The following SRP19 variants were observed in gnomAD, a reference collection of about 807,000 sequenced individuals.
SRP19 encodes the protein signal recognition particle 19 kDa protein.
A neutral mutation model predicts 22.4 loss-of-function variants in SRP19; 11 were observed. The ratio of observed to expected loss-of-function variants is 0.49; its 90% confidence interval spans 0.31 to 0.81. The LOEUF (loss-of-function observed/expected upper bound fraction) is 0.81, where lower values mean the gene tolerates loss of function less well. SRP19 is among the 40% of genes least tolerant of loss of function. SRP19 has a pLI of 0.05. For synonymous variants in SRP19, 61 were observed against 57.6 expected (o/e 1.06, Z -0.27); for missense variants, 168 against 175.9 (o/e 0.96, Z 0.25).
rs1170782957 is a variant in SRP19, at chr5:112,869,695, C to T, written c.*2158C>T. ...AATTGGATCATGGGGGCAATTTCCC[C>T]TGTGCTGTTCTTGAGATAATGAGTG... is the stretch of plus-strand genomic sequence containing the variant. On this transcript the variant is annotated 3_prime_UTR_variant, in exon 5 of 5. Coordinates refer to ENST00000505459, the MANE Select transcript of SRP19 (RefSeq NM_003135.3). 1 of 152,290 alleles carries T rather than the reference C, an allele frequency of 6.6e-6. No homozygotes were observed. The highest frequency in any genetic ancestry group is 2.4e-5 in the African/African-American group (1 of 41,568). 9.4% of individuals were successfully genotyped at this position (152,290 alleles called of 1,614,324 possible). A position where few individuals can be genotyped will look rare whatever the true frequency, so the allele number is the denominator to read the frequency against.
intron 4 of SRP19, among the ~76,000 whole-genome samples, chr5:112,880,804 A>G (rs888688691): frequency 6.6e-6 from 1 of 152,208 alleles, no homozygotes; most frequent in African/African-American, 2.4e-5. Context: ...GGCTAAGGGA[A>G]GGGAGAAGAA....
chr5:112,872,913 G>A (rs189465902), downstream of SRP19, among the ~76,000 whole-genome samples: 27 of 149,424 alleles, frequency 1.8e-4, no homozygotes, highest in Admixed American at 1.6e-3. Flanking sequence ...CCCTTACATT[G>A]TTTGGCTGGA....
At chr5:112,863,197 A>G (rs1164840818) in intron 2 of SRP19, among the ~76,000 whole-genome samples, 2 of 152,184 alleles carry the variant, frequency 1.3e-5, no homozygotes, top group African/African-American at 2.4e-5. Flanking sequence ...CAGGATGACC[A>G]CCGTTATGAC....
At chr5:112,877,941 T>TATTA (rs1767946711) in intron 4 of SRP19, 1 of 151,930 alleles carries the variant, frequency 6.6e-6, no homozygotes, top group African/African-American at 2.4e-5. Flanking sequence ...GATAAGACAG[T>TATTA]ATTACTAGTT....
chr5:112,871,530 GC>G (rs947100737), downstream of SRP19, among the ~76,000 whole-genome samples: 13 of 152,034 alleles, frequency 8.6e-5, no homozygotes, highest in African/African-American at 3.1e-4. Flanking sequence ...GCTGAGGCGG[GC>G]AGATGACTTG....
rs745950980 is a variant in SRP19, at chr5:112,878,739, C to G, written c.302-12864C>G. 5 of 1,610,028 alleles carry G rather than the reference C, an allele frequency of 3.1e-6. No homozygotes were observed. In the South Asian group the frequency reaches 4.4e-5, roughly 14 times the overall value. On this transcript the variant is annotated intron_variant, in intron 4 of 4. Coordinates refer to the SRP19 transcript ENST00000391338. Reference sequence around the variant, plus strand: ...ACAGTCCCTAATATAACATCAAGCTCCAGTAGGAAGGTACAGAGAGGGCAG... The same window carrying G: ...ACAGTCCCTAATATAACATCAAGCTGCAGTAGGAAGGTACAGAGAGGGCAG...
chr5:112,892,667 A>G (rs1768517670), exon 5 of SRP19: 1 of 1,613,972 alleles, frequency 6.2e-7, no homozygotes, highest in Non-Finnish European at 8.5e-7. Flanking sequence ...CCCAACAATG[A>G]ATTCTGGGAA....
chr5:112,877,971 AC>A (rs1277408567), intron 4 of SRP19: 1 of 146,374 alleles, frequency 6.8e-6, no homozygotes, highest in Non-Finnish European at 1.5e-5. Context: ...ATTGAGAGTT[AC>A]AGGTTACTCT....
chr5:112,873,088 CTT>C (rs34944142), downstream of SRP19, among the ~76,000 whole-genome samples: 160 of 116,638 alleles, frequency 1.4e-3, 2 homozygotes, highest in South Asian at 7.0e-3. Flanking sequence ...TTGTGTGGGT[CTT>C]TTTTTTTTTT....
Position 112,880,349 on chromosome 5 carries a change from A to G in SRP19, c.302-11254A>G, listed in dbSNP as rs10515448. Among the ~76,000 whole-genome samples the G allele has an allele frequency of 9.2e-3, 1,398 of 152,312 alleles. 24 individuals carry two copies. Among genetic ancestry groups the G allele is most frequent in the African/African-American group, 0.032 (1,344 of 41,558 alleles). ...GGGAATGTGCTATGAGAACCAGTACAGTGTGTAAGATGGAGGGGAAAGGGG... is the reference window on the plus strand; with the variant it reads ...GGGAATGTGCTATGAGAACCAGTACGGTGTGTAAGATGGAGGGGAAAGGGG... On this transcript the variant is annotated intron_variant, in intron 4 of 4. Transcript: ENST00000391338.
chr5:112,892,025 A>G, exon 5 of SRP19: 1 of 1,370,234 alleles, frequency 7.3e-7, no homozygotes, highest in South Asian at 1.2e-5. Context: ...GAGGAGGAGC[A>G]GAAACAACAG....
chr5:112,873,845 T>C (rs903371764), downstream of SRP19, among the ~76,000 whole-genome samples: 5 of 152,176 alleles, frequency 3.3e-5, no homozygotes, highest in African/African-American at 1.2e-4. Context: ...GTTTTTAAGA[T>C]AGAAGGACCA....
chr5:112,891,633 T>A, exon 5 of SRP19: 1 of 1,598,064 alleles, frequency 6.3e-7, no homozygotes, highest in Non-Finnish European at 8.5e-7. Flanking sequence ...CAGGCGGTGC[T>A]GGCAAGATGG....
At chr5:112,864,245 G>A (rs962393779) in intron 2 of SRP19, among the ~76,000 whole-genome samples, 1 of 152,174 alleles carries the variant, frequency 6.6e-6, no homozygotes, top group East Asian at 1.9e-4. Context: ...AGAAGTTTAT[G>A]TTCTGTTGGA....
chr5:112,890,079 G>A lies in SRP19; in HGVS notation c.302-1524G>A, dbSNP rs1768387689. On this transcript the variant is annotated intron_variant, in intron 4 of 4. Transcript: ENST00000391338. ...TGACCTCAAATGATCCACCCCCATC[G>A]GCCTCCCAAAGTGCTGGGATTACAG... 2.0e-5 allele frequency among the ~76,000 whole-genome samples: 3 copies of A among 150,060 alleles called. 1 individual carries two copies. Among genetic ancestry groups the A allele is most frequent in the African/African-American group, 5.0e-5 (2 of 40,238 alleles).
At chr5:112,861,452 G>A (rs750643131) in intron 1 of SRP19, 35 bp downstream of exon 1, 3 of 1,607,318 alleles carry the variant, frequency 1.9e-6, no homozygotes, top group Admixed American at 1.7e-5. Flanking sequence ...CCGAAAGGAA[G>A]GGGCTTGCTG....
chr5:112,868,123 G>T lies in SRP19; in HGVS notation c.*586G>T, dbSNP rs189229442. Reference sequence around the variant, plus strand: ...GAATCGTTCAGTTGTTTTTTGACATGGAAAGTCCTGGATTTTAAGCTTTAA... The same window carrying T: ...GAATCGTTCAGTTGTTTTTTGACATTGAAAGTCCTGGATTTTAAGCTTTAA... On this transcript the variant is annotated 3_prime_UTR_variant, in exon 5 of 5. Transcript: ENST00000505459. The T allele has an allele frequency of 1.0e-3, 1,025 of 985,416 alleles. 2 individuals carry two copies. Among genetic ancestry groups the T allele is most frequent in the Admixed American group, 1.7e-3 (27 of 16,278 alleles). 61.0% of individuals were successfully genotyped at this position (985,416 alleles called of 1,614,324 possible). A position where few individuals can be genotyped will look rare whatever the true frequency, so the allele number is the denominator to read the frequency against.
intron 4 of SRP19, among the ~76,000 whole-genome samples, chr5:112,876,194 GTA>G (rs1040266022): frequency 1.3e-5 from 2 of 152,064 alleles, no homozygotes; most frequent in African/African-American, 4.8e-5. Context: ...TTTTGAGTTG[GTA>G]TGTTTTCTTT....
intron 4 of SRP19, chr5:112,886,974 TCTC>T (rs756668268): frequency 1.4e-5 from 20 of 1,461,670 alleles, no homozygotes; most frequent in Middle Eastern, 4.1e-4. Flanking sequence ...GTGTGTCACA[TCTC>T]CTCTCACATG....
Sources: gnomAD v4.1 joint callset for allele counts (sites outside exome capture counted in the v4.1 genomes callset) on GRCh38, gnomAD v4.1.1 for gene constraint, MANE v1.5 for transcripts, NCBI Gene and HGNC (gene_info 2026-07-23, HGNC 2026-07-21) for gene names.